FAR2: variants seen among roughly 807,000 people sequenced by gnomAD.
FAR2 encodes the protein epididymis secretory protein Li 81.
A neutral mutation model predicts 56.0 loss-of-function variants in FAR2; 19 were observed. That is an observed-to-expected ratio of 0.34 (90% CI 0.24 to 0.50). The LOEUF (loss-of-function observed/expected upper bound fraction) is 0.50. Among genes scored for constraint, FAR2 ranks in the 20% least tolerant of loss-of-function variants. The probability of loss-of-function intolerance (pLI) is 0.98; values close to 1 mark genes in which losing one functional copy is unlikely to be tolerated. For missense variants in FAR2, 508 were observed against 642.2 expected (o/e 0.79, Z 2.26); for synonymous variants, 219 against 218.8 (o/e 1.00, Z -0.01).
At chr12:29,214,279 C>T (rs1323035916) in intron 1 of FAR2, among the ~76,000 whole-genome samples, 1 of 152,130 alleles carries the variant, frequency 6.6e-6, no homozygotes, top group East Asian at 1.9e-4. Flanking sequence ...AGACTTCAGG[C>T]ATATAAAGTA....
chr12:29,269,440 C>G (rs1948577244), intron 1 of FAR2, among the ~76,000 whole-genome samples: 3 of 152,108 alleles, frequency 2.0e-5, no homozygotes. Flanking sequence ...TCATATTGCT[C>G]AAACACACAT....
intron 2 of FAR2, among the ~76,000 whole-genome samples, chr12:29,278,881 G>A (rs1948743518): frequency 6.6e-6 from 1 of 152,166 alleles, no homozygotes. Context: ...CAGGAATTCA[G>A]CAAATGGCTG....
At chr12:29,167,397 A>G (rs991584996) in intron 1 of FAR2, among the ~76,000 whole-genome samples, 1 of 152,130 alleles carries the variant, frequency 6.6e-6, no homozygotes, top group Non-Finnish European at 1.5e-5. Flanking sequence ...AGAGGATGAC[A>G]TGACATTCCC....
At chr12:29,238,223 T>C (rs1031698092) in intron 1 of FAR2, among the ~76,000 whole-genome samples, 3 of 151,972 alleles carry the variant, frequency 2.0e-5, no homozygotes, top group African/African-American at 7.2e-5. Context: ...CAGATTTTTT[T>C]CCTGCATTCA....
chr12:29,176,889 G>A (rs1949944240), intron 1 of FAR2, among the ~76,000 whole-genome samples: 1 of 152,214 alleles, frequency 6.6e-6, no homozygotes, highest in Admixed American at 6.5e-5. Context: ...TTTCAAAGAA[G>A]AAGTGATGGC....
At chr12:29,254,980 A>G (rs1033427124) in intron 1 of FAR2, among the ~76,000 whole-genome samples, 7 of 152,088 alleles carry the variant, frequency 4.6e-5, no homozygotes, top group African/African-American at 1.2e-4. Flanking sequence ...TACTCCAGAA[A>G]TTAAATAGTT....
At chr12:29,226,528 G>A (rs1356653186) in intron 1 of FAR2, among the ~76,000 whole-genome samples, 2 of 152,178 alleles carry the variant, frequency 1.3e-5, no homozygotes, top group Non-Finnish European at 2.9e-5. Context: ...AATTATAAGA[G>A]TTTCTTTCAA....
chr12:29,205,628 G>A (rs1947470326), intron 1 of FAR2, among the ~76,000 whole-genome samples: 1 of 152,102 alleles, frequency 6.6e-6, no homozygotes, highest in Non-Finnish European at 1.5e-5. Flanking sequence ...AAAGCTTCAT[G>A]GTCCTTTAAA....
At chr12:29,266,591 G>A (rs1484209144) in intron 1 of FAR2, among the ~76,000 whole-genome samples, 1 of 151,912 alleles carries the variant, frequency 6.6e-6, no homozygotes, top group Non-Finnish European at 1.5e-5. Context: ...TATCAAAACA[G>A]GGTGACTAAG....
intron 1 of FAR2, among the ~76,000 whole-genome samples, chr12:29,244,725 T>C (rs1201336392): frequency 2.0e-5 from 3 of 152,206 alleles, no homozygotes; most frequent in African/African-American, 7.2e-5. Context: ...ATGAAATCGA[T>C]GATGAACACA....
intron 1 of FAR2, among the ~76,000 whole-genome samples, chr12:29,210,240 GTTAAA>G (rs1164840364): frequency 5.3e-5 from 8 of 152,126 alleles, no homozygotes; most frequent in Non-Finnish European, 1.2e-4. Flanking sequence ...TAGTTAATTA[GTTAAA>G]TTAATTCTGT....
At chr12:29,295,165 T>C (rs1188967117) in intron 3 of FAR2, among the ~76,000 whole-genome samples, 2 of 152,138 alleles carry the variant, frequency 1.3e-5, no homozygotes, top group East Asian at 3.9e-4. Flanking sequence ...CTCCACCTCC[T>C]GGGTTCAAGT....
chr12:29,330,089 C>G (rs1468405513), intron 10 of FAR2, among the ~76,000 whole-genome samples: 1 of 120,886 alleles, frequency 8.3e-6, no homozygotes. Flanking sequence ...CCATGTCTTG[C>G]TCTGTTGCCC....
At chr12:29,325,758 G>A (rs888346054) in intron 10 of FAR2, among the ~76,000 whole-genome samples, 1 of 152,102 alleles carries the variant, frequency 6.6e-6, no homozygotes, top group African/African-American at 2.4e-5. Context: ...GCAGTGTGTA[G>A]AGGGAAATTT....
intron 1 of FAR2, among the ~76,000 whole-genome samples, chr12:29,170,090 A>G (rs1327080146): frequency 6.6e-6 from 1 of 152,230 alleles, no homozygotes; most frequent in Non-Finnish European, 1.5e-5. Flanking sequence ...ATTGGTATAG[A>G]TGGCTCCTTC....
At chr12:29,323,772 G>A (rs1350781537) in intron 10 of FAR2, among the ~76,000 whole-genome samples, 1 of 152,112 alleles carries the variant, frequency 6.6e-6, no homozygotes, top group Non-Finnish European at 1.5e-5. Context: ...AAGACCAAAG[G>A]TAGATAAAAC....
At chr12:29,333,585 T>G in intron 11 of FAR2, 47 bp from the exon 12 acceptor site, 1 of 1,526,374 alleles carries the variant, frequency 6.6e-7, no homozygotes, top group Non-Finnish European at 9.0e-7. Flanking sequence ...ATAATGTGGT[T>G]GGGTATCTGG....
chr12:29,285,401 A>G (rs928834414), intron 2 of FAR2, among the ~76,000 whole-genome samples: 89 of 152,238 alleles, frequency 5.8e-4, no homozygotes, highest in African/African-American at 2.1e-3. Context: ...CCGCCCCTCC[A>G]AAGGACTAAG....
At chr12:29,229,799 G>T (rs1005082331) in intron 1 of FAR2, among the ~76,000 whole-genome samples, 1 of 152,024 alleles carries the variant, frequency 6.6e-6, no homozygotes, top group Non-Finnish European at 1.5e-5. Context: ...ATATGGAAAG[G>T]GCTTAAATGA....
Sources: gnomAD v4.1 joint callset for allele counts (sites outside exome capture counted in the v4.1 genomes callset) on GRCh38, gnomAD v4.1.1 for gene constraint, MANE v1.5 for transcripts, NCBI Gene and HGNC (gene_info 2026-07-23, HGNC 2026-07-21) for gene names.